ZFHX3: variants seen among roughly 807,000 people sequenced by gnomAD.
ZFHX3 encodes the protein zinc finger homeobox protein 3.
ZFHX3 carries 42 observed loss-of-function variants against 279.1 expected under a neutral mutation model. That is an observed-to-expected ratio of 0.15 (90% CI 0.12 to 0.19). The LOEUF (loss-of-function observed/expected upper bound fraction) is 0.19, where lower values mean the gene tolerates loss of function less well. ZFHX3 is among the 10% of genes least tolerant of loss of function. The pLI, the probability that ZFHX3 is intolerant of heterozygous loss-of-function variation, is 1.00. For synonymous variants in ZFHX3, 2,293 were observed against 1,957.8 expected (o/e 1.17, Z -4.52); for missense variants, 4,981 against 4,754.0 (o/e 1.05, Z -1.40).
At chr16:73,559,896 G>A (rs2020344875) in intron 2 of ZFHX3, among the ~76,000 whole-genome samples, 1 of 152,190 alleles carries the variant, frequency 6.6e-6, no homozygotes, top group South Asian at 2.1e-4. Flanking sequence ...ACAAAGTCCT[G>A]TGAGCAGGTT....
intron 7 of ZFHX3, among the ~76,000 whole-genome samples, chr16:73,105,185 G>A (rs927211452): frequency 6.8e-6 from 1 of 147,040 alleles, no homozygotes; most frequent in Non-Finnish European, 1.5e-5. Context: ...GTGGGAGGAC[G>A]GCTTGAGGCC....
intron 3 of ZFHX3, among the ~76,000 whole-genome samples, chr16:73,399,837 GGTGTGT>G (rs4011546): frequency 0.13 from 19,361 of 148,220 alleles, 1,362 homozygotes; most frequent in African/African-American, 0.2. Flanking sequence ...TGTGGTGTGT[GGTGTGT>G]GTGTGTGTGT....
intron 8 of ZFHX3, among the ~76,000 whole-genome samples, chr16:73,070,256 A>G (rs915556508): frequency 1.3e-5 from 2 of 151,978 alleles, no homozygotes; most frequent in African/African-American, 2.4e-5. Context: ...CCTAATGTTG[A>G]TAATTATTGC....
At position 72,811,656 on chromosome 16, in the gene ZFHX3, T is replaced by C; in HGVS notation, c.3785A>G (p.Asn1262Ser). ...GTGCAGCTGGAGGTGGATCTTGTTG[T>C]TGAGCATGTCCTGGCACAGGGGGCA... ...LRCPLCQDML[N>S]NKIHLQLHLT... The change falls in exon 7 of 10, where the codon AAC (asparagine) becomes AGC (serine). Residue 1262 changes from asparagine to serine, a missense_variant. Asn to Ser is a conservative substitution (Grantham distance 46, BLOSUM62 1). Transcript: ENST00000268489. The C allele has an allele frequency of 6.2e-7, 1 of 1,613,914 alleles. No homozygotes were observed. The highest frequency in any genetic ancestry group is 8.5e-7 in the Non-Finnish European group (1 of 1,179,918).
chr16:73,890,633 A>T (rs930010763), intron 1 of ZFHX3, among the ~76,000 whole-genome samples: 1 of 152,192 alleles, frequency 6.6e-6, no homozygotes, highest in Non-Finnish European at 1.5e-5. Context: ...TGAAGCTACA[A>T]TGAAAAGCCT....
intron 3 of ZFHX3, among the ~76,000 whole-genome samples, chr16:72,945,881 A>G (rs1408456166): frequency 6.6e-6 from 1 of 152,062 alleles, no homozygotes. Context: ...CTACGGACGT[A>G]AAATGTGTAG....
intron 3 of ZFHX3, among the ~76,000 whole-genome samples, chr16:73,453,265 T>C (rs1026406843): frequency 9.2e-5 from 14 of 152,340 alleles, no homozygotes; most frequent in African/African-American, 2.9e-4. Flanking sequence ...TGATTCCCCA[T>C]TGAGAGGTAG....
chr16:72,906,774 G>C (rs761580787), intron 3 of ZFHX3, among the ~76,000 whole-genome samples: 1 of 152,084 alleles, frequency 6.6e-6, no homozygotes, highest in Admixed American at 6.6e-5. Context: ...CTCCAGACTG[G>C]GCAACAGAGC....
At chr16:73,614,834 A>C (rs923546495) in intron 2 of ZFHX3, among the ~76,000 whole-genome samples, 2 of 152,046 alleles carry the variant, frequency 1.3e-5, no homozygotes, top group African/African-American at 4.8e-5. Context: ...ATCATAGCTT[A>C]CCGCAGCCTC....
At chr16:73,809,408 C>T (rs1960369303) in intron 1 of ZFHX3, 1 of 152,196 alleles carries the variant, frequency 6.6e-6, no homozygotes, top group African/African-American at 2.4e-5. Context: ...GCCTGACCTG[C>T]CGCTTCATTC....
At chr16:73,170,244 T>TTTTTTTTTTTTC (rs1967490742) in intron 5 of ZFHX3, among the ~76,000 whole-genome samples, 1 of 144,408 alleles carries the variant, frequency 6.9e-6, no homozygotes, top group African/African-American at 2.6e-5. Context: ...TTTTTTTTTT[T>TTTTTTTTTTTTC]TTTTGAGACA....
intron 1 of ZFHX3, among the ~76,000 whole-genome samples, chr16:73,799,859 A>C (rs1037432741): frequency 6.6e-6 from 1 of 152,106 alleles, no homozygotes; most frequent in Non-Finnish European, 1.5e-5. Flanking sequence ...TTTCATTACC[A>C]AACACGCACA....
chr16:73,191,877 T>C (rs1968045199), intron 5 of ZFHX3, among the ~76,000 whole-genome samples: 1 of 152,222 alleles, frequency 6.6e-6, no homozygotes, highest in South Asian at 2.1e-4. Context: ...CTCCTCATGC[T>C]GTGCAAACAC....
chr16:72,874,775 T>G (rs906863408), intron 4 of ZFHX3, among the ~76,000 whole-genome samples: 2 of 152,114 alleles, frequency 1.3e-5, no homozygotes. Context: ...ATTGCCGGCG[T>G]AAGCCACCAC....
intron 5 of ZFHX3, among the ~76,000 whole-genome samples, chr16:73,145,330 G>C (rs1352015442): frequency 6.6e-6 from 1 of 152,166 alleles, no homozygotes; most frequent in African/African-American, 2.4e-5. Flanking sequence ...TCCAATGCCA[G>C]GGGCCAATGT....
chr16:73,659,745 T>C (rs1394828672), intron 2 of ZFHX3, among the ~76,000 whole-genome samples: 1 of 152,226 alleles, frequency 6.6e-6, no homozygotes, highest in Non-Finnish European at 1.5e-5. Flanking sequence ...GTGGTTTATC[T>C]GTGTATACTC....
chr16:73,556,033 T>TATAGGGTAACTTCCTGACA (rs2020277151), intron 2 of ZFHX3, among the ~76,000 whole-genome samples: 1 of 152,030 alleles, frequency 6.6e-6, no homozygotes, highest in African/African-American at 2.4e-5. Context: ...GTGAAGTCAG[T>TATAGGGTAACTTCCTGACA]TTGTGTTTCT....
At chr16:73,028,871 A>G (rs1361612004) in intron 1 of ZFHX3, among the ~76,000 whole-genome samples, 1 of 152,236 alleles carries the variant, frequency 6.6e-6, no homozygotes, top group Non-Finnish European at 1.5e-5. Context: ...CTTTTCGGCA[A>G]CAACAACAGA....
chr16:73,138,762 A>G (rs1966835388), intron 6 of ZFHX3, among the ~76,000 whole-genome samples: 1 of 152,100 alleles, frequency 6.6e-6, no homozygotes, highest in Non-Finnish European at 1.5e-5. Context: ...ATCATGGCTC[A>G]CTGCAGCCTG....
Sources: gnomAD v4.1 joint callset for allele counts (sites outside exome capture counted in the v4.1 genomes callset) on GRCh38, gnomAD v4.1.1 for gene constraint, MANE v1.5 for transcripts, NCBI Gene and HGNC (gene_info 2026-07-23, HGNC 2026-07-21) for gene names.